The following SERAC1 variants were observed in gnomAD, a reference collection of about 807,000 sequenced individuals.
SERAC1 encodes serine active site containing 1.
Under a neutral mutation model 85.7 loss-of-function variants are expected in SERAC1, and 36 were observed. The observed-to-expected ratio is 0.42, with a 90% CI of 0.32 to 0.55. The LOEUF (loss-of-function observed/expected upper bound fraction) is 0.55, where lower values mean the gene tolerates loss of function less well. SERAC1 is among the 20% of genes least tolerant of loss of function. The pLI, the probability that SERAC1 is intolerant of heterozygous loss-of-function variation, is 0.11. For synonymous variants in SERAC1, 242 were observed against 265.3 expected, an observed-to-expected ratio of 0.91 and a Z score of 0.85; for missense variants, 629 against 796.2, an observed-to-expected ratio of 0.79 and a Z score of 2.53.
In SERAC1 at chr6:158,119,238, A is replaced by G; in HGVS notation, c.1167-68T>C. ...TTACTGCTTTGGTAAGAATCTACAC[A>G]GCATTCTCTGTGGATGGTGCTTTAG... On this transcript the variant is annotated intron_variant, in intron 11 of 16. Transcript: ENST00000647468. The surrounding 1 kb of genome is among the most constrained non-coding windows in gnomAD (Gnocchi z 4.5). The G allele has an allele frequency of 3.3e-6, 5 of 1,511,804 alleles. No homozygotes were observed. Among genetic ancestry groups the G allele is most frequent in the Non-Finnish European group, 4.5e-6 (5 of 1,118,708 alleles). The allele number at this position is 1,511,804 out of a possible 1,614,324, so 93.6% of individuals were successfully genotyped here. A position where few individuals can be genotyped will look rare whatever the true frequency, so the allele number is the denominator to read the frequency against.
intron 8 of SERAC1, among the ~76,000 whole-genome samples, chr6:158,131,802 A>G (rs924671001): frequency 4.1e-4 from 62 of 152,330 alleles, no homozygotes; most frequent in African/African-American, 1.2e-3. Flanking sequence ...TTGTTTGTAT[A>G]ATAATAAAGA....
chr6:158,148,992 AT>A (rs71027384), intron 4 of SERAC1, 38 bp from the exon 5 acceptor site: 564 of 1,270,798 alleles, frequency 4.4e-4, no homozygotes, highest in East Asian at 5.4e-4. Context: ...CCAAGAATGT[AT>A]TTTTTTTTTC....
intron 14 of SERAC1, 67 bp downstream of exon 14, chr6:158,116,118 T>G: frequency 7.8e-7 from 1 of 1,277,506 alleles, no homozygotes; most frequent in Non-Finnish European, 1.1e-6. Flanking sequence ...AAAATAACTT[T>G]AGGTTGGCCA....
At chr6:158,118,526 A>T (rs1784345488) in intron 12 of SERAC1, among the ~76,000 whole-genome samples, 1 of 151,196 alleles carries the variant, frequency 6.6e-6, no homozygotes, top group Non-Finnish European at 1.5e-5. Flanking sequence ...GCTGAGGGGG[A>T]ATGACTGTTT....
rs1050479645 is a variant in SERAC1, at chr6:158,119,350, CA to C, written c.1167-181del. Among the ~76,000 whole-genome samples the C allele has an allele frequency of 1.2e-4, 18 of 152,306 alleles. No individual in the cohort carries two copies. Among genetic ancestry groups the C allele is most frequent in the African/African-American group, 3.9e-4 (16 of 41,554 alleles). ...AACCTAGAAGGAGCTTTGGCAAAGA[CA>C]TACATGAAGCATGTTCACTGTTCTC... On this transcript the variant is annotated intron_variant, in intron 11 of 16. Coordinates refer to ENST00000647468, the MANE Select transcript of SERAC1 (RefSeq NM_032861.4). This position sits in a 1 kb window ranked among gnomAD's most constrained non-coding sequence, Gnocchi z 4.5.
chr6:158,121,366 A>T (rs578256923), intron 10 of SERAC1, among the ~76,000 whole-genome samples: 5 of 152,226 alleles, frequency 3.3e-5, no homozygotes, highest in African/African-American at 1.2e-4. Flanking sequence ...AATTTATTTA[A>T]TTTAAAATAA....
At chr6:158,165,474 G>T (rs1350777392) in intron 1 of SERAC1, among the ~76,000 whole-genome samples, 1 of 151,984 alleles carries the variant, frequency 6.6e-6, no homozygotes, top group Non-Finnish European at 1.5e-5. Flanking sequence ...ATATCTATAT[G>T]CCAGTGATCT....
intron 8 of SERAC1, among the ~76,000 whole-genome samples, chr6:158,132,231 AG>A (rs1784694988): frequency 1.3e-5 from 2 of 152,356 alleles, no homozygotes; most frequent in South Asian, 4.1e-4. Flanking sequence ...ATAATCCATA[AG>A]ATTCTGCATT....
intron 5 of SERAC1, 104 bp from the exon 6 acceptor site, chr6:158,147,017 G>GT: frequency 8.5e-7 from 1 of 1,179,138 alleles, no homozygotes; most frequent in Non-Finnish European, 1.2e-6. Flanking sequence ...CAATTGGAGA[G>GT]TTAAATCCAT....
chr6:158,150,445 A>T lies in SERAC1; in HGVS notation c.265+8T>A, dbSNP rs745822150. ...TTTTCACAGAGGATTACTTTACAAT[A>T]AACTTACCATGATTTTCTCCTTTGT... On this transcript the variant is annotated splice_region_variant and intron_variant, in intron 4 of 16. Transcript: ENST00000647468. 6.4e-6 allele frequency: 10 copies of T among 1,553,954 alleles called. No individual in the cohort carries two copies. The highest frequency in any genetic ancestry group is 8.8e-6 in the Non-Finnish European group (10 of 1,132,630).
chr6:158,119,272 T>C lies in SERAC1; in HGVS notation c.1167-102A>G. 7.3e-7 allele frequency: 1 copy of C among 1,367,378 alleles called. No homozygotes were observed. Among genetic ancestry groups the C allele is most frequent in the Non-Finnish European group, 9.8e-7 (1 of 1,021,474 alleles). The allele number at this position is 1,367,378 out of a possible 1,614,324, so 84.7% of individuals were successfully genotyped here. A position where few individuals can be genotyped will look rare whatever the true frequency, so the allele number is the denominator to read the frequency against. On this transcript the variant is annotated intron_variant, in intron 11 of 16. Coordinates refer to ENST00000647468, the MANE Select transcript of SERAC1 (RefSeq NM_032861.4). This position sits in a 1 kb window ranked among gnomAD's most constrained non-coding sequence, Gnocchi z 4.5. Reference sequence around the variant, plus strand: ...TGTGGATGGTGCTTTAGCAGGCTTATGTGACATAAAACTGAATTAAAGCAA... The same window carrying C: ...TGTGGATGGTGCTTTAGCAGGCTTACGTGACATAAAACTGAATTAAAGCAA...
intron 8 of SERAC1, among the ~76,000 whole-genome samples, chr6:158,139,537 T>A (rs564914552): frequency 1.3e-5 from 2 of 152,292 alleles, no homozygotes; most frequent in Admixed American, 1.3e-4. Flanking sequence ...CATGAAAAGA[T>A]GCTTCAAAAA....
intron 10 of SERAC1, among the ~76,000 whole-genome samples, chr6:158,121,398 T>G (rs1042080784): frequency 9.2e-5 from 14 of 152,172 alleles, no homozygotes. Flanking sequence ...GGCCTTGAAG[T>G]TAGACTTGGG....
chr6:158,153,449 T>C (rs1479525351), intron 3 of SERAC1, among the ~76,000 whole-genome samples: 1 of 148,510 alleles, frequency 6.7e-6, no homozygotes, highest in African/African-American at 2.5e-5. Context: ...ATACAGTACG[T>C]GTTCCTCTAT....
At chr6:158,131,891 G>T (rs1015369401) in intron 8 of SERAC1, among the ~76,000 whole-genome samples, 3 of 152,136 alleles carry the variant, frequency 2.0e-5, no homozygotes, top group Non-Finnish European at 4.4e-5. Context: ...TGCCATGCCG[G>T]TCTGAAAATT....
intron 1 of SERAC1, among the ~76,000 whole-genome samples, chr6:158,167,855 C>T (rs1205754652): frequency 1.3e-5 from 2 of 152,136 alleles, no homozygotes; most frequent in African/African-American, 2.4e-5. Context: ...CCTCATCTCT[C>T]CGTGACTACC....
intron 2 of SERAC1, among the ~76,000 whole-genome samples, chr6:158,156,725 T>TTATA (rs200538489): frequency 1.1e-4 from 16 of 140,702 alleles, no homozygotes; most frequent in East Asian, 1.0e-3. Flanking sequence ...ACAAAAATCT[T>TTATA]TATATATATA....
intron 15 of SERAC1, 33 bp from the exon 16 acceptor site, chr6:158,113,625 G>A (rs1784200666): frequency 5.8e-6 from 9 of 1,564,120 alleles, no homozygotes; most frequent in African/African-American, 5.4e-5. Flanking sequence ...ACTGTGACAA[G>A]TTGTTTACCC....
At chr6:158,144,478 G>A (rs1785005801) in intron 6 of SERAC1, 58 bp from the exon 7 acceptor site, 1 of 1,477,880 alleles carries the variant, frequency 6.8e-7, no homozygotes, top group Admixed American at 2.1e-5. Context: ...ATGTCATAAA[G>A]ATTAACTGAA....
Sources: allele counts gnomAD v4.1 joint callset (sites outside exome capture counted in the v4.1 genomes callset), GRCh38; gene constraint gnomAD v4.1.1; non-coding constraint Gnocchi (gnomAD v3.1); transcripts MANE v1.5; gene names NCBI Gene and HGNC (gene_info 2026-07-23, HGNC 2026-07-21).